Variants in MRPS15 observed in about 807,000 individuals in gnomAD.
The protein encoded by MRPS15 is small ribosomal subunit protein uS15m.
In MRPS15, 25 loss-of-function variants were observed where a neutral mutation model predicts 30.7. The observed-to-expected ratio is 0.81, with a 90% confidence interval of 0.59 to 1.14. The LOEUF is 1.14. Among genes scored for constraint, MRPS15 ranks in the 50% most tolerant of loss-of-function variants. MRPS15 has a pLI of 0.00. For missense variants in MRPS15, 313 were observed against 321.7 expected (o/e 0.97, Z 0.21); for synonymous variants, 124 against 120.1 (o/e 1.03, Z -0.21).
chr1:36,456,605 T>C, intron 6 of MRPS15: 1 of 481,508 alleles, frequency 2.1e-6, no homozygotes, highest in Non-Finnish European at 3.7e-6. Context: ...CTGTGAGTGC[T>C]GAGATAGGGT....
chr1:36,460,575 C>T (rs1163478967), intron 5 of MRPS15, 117 bp downstream of exon 5: 2 of 791,560 alleles, frequency 2.5e-6, no homozygotes. Context: ...GCCCTAGGTC[C>T]TTCATGTCTC....
chr1:36,456,495 A>C, intron 6 of MRPS15, 117 bp from the exon 7 acceptor site: 7 of 963,706 alleles, frequency 7.3e-6, no homozygotes, highest in Non-Finnish European at 1.0e-5. Context: ...TGCAAATATT[A>C]ATGCAATTCT....
chr1:36,459,446 G>A (rs967729404), intron 5 of MRPS15: 1 of 149,026 alleles, frequency 6.7e-6, no homozygotes, highest in Non-Finnish European at 1.5e-5. Context: ...GCTTAAAGAC[G>A]ACCCCAGTAA....
At chr1:36,462,474 T>C (rs545018719) in intron 2 of MRPS15, among the ~76,000 whole-genome samples, 1 of 152,202 alleles carries the variant, frequency 6.6e-6, no homozygotes, top group East Asian at 1.9e-4. Flanking sequence ...GGACAGAGTT[T>C]GACTCCCTTG....
intron 2 of MRPS15, 79 bp from the exon 3 acceptor site, chr1:36,462,242 C>A (rs1379629715): frequency 2.3e-5 from 24 of 1,048,276 alleles, no homozygotes; most frequent in Non-Finnish European, 3.2e-5. Context: ...CTCTTTTCAC[C>A]CACTCTCCAA....
intron 1 of MRPS15, 85 bp downstream of exon 1, chr1:36,464,061 C>G: frequency 6.4e-7 from 1 of 1,558,388 alleles, no homozygotes; most frequent in Non-Finnish European, 8.7e-7. Flanking sequence ...CGCTGTATAT[C>G]TCCCCTACTC....
intron 2 of MRPS15, 97 bp downstream of exon 2, chr1:36,463,706 CTCA>C (rs1447750707): frequency 7.1e-7 from 1 of 1,407,530 alleles, no homozygotes; most frequent in African/African-American, 1.5e-5. Flanking sequence ...TCTGGCTCAC[CTCA>C]TCTAGTGGCT....
At chr1:36,462,005 G>C (rs1195009328) in intron 3 of MRPS15, 83 bp downstream of exon 3, 2 of 1,212,776 alleles carry the variant, frequency 1.6e-6, no homozygotes. Flanking sequence ...AGCAAGCCAA[G>C]TCTCAAAGCC....
At chr1:36,460,669 C>A in intron 5 of MRPS15, 23 bp downstream of exon 5, 1 of 1,600,954 alleles carries the variant, frequency 6.2e-7, no homozygotes, top group Non-Finnish European at 8.6e-7. Flanking sequence ...TACACCCCCA[C>A]TCCCCAAGGG....
intron 2 of MRPS15, among the ~76,000 whole-genome samples, chr1:36,462,637 A>G (rs1165678393): frequency 6.6e-6 from 1 of 151,992 alleles, no homozygotes; most frequent in African/African-American, 2.4e-5. Context: ...TCACAGGAAA[A>G]CCTCAGTCTT....
rs1170868027 is a variant in MRPS15 at position 36,459,168 on chromosome 1, T to G, written c.386-1187A>C. 2.0e-5 allele frequency: 3 copies of G among 152,156 alleles called. 1 individual carries two copies. Among genetic ancestry groups the G allele is most frequent in the Non-Finnish European group, 4.4e-5 (3 of 68,092 alleles). The allele number at this position is 152,156 out of a possible 1,614,324, so 9.4% of individuals were successfully genotyped here. On this transcript the variant is annotated intron_variant, in intron 5 of 7. Transcript: ENST00000373116. ...CAGCACTTTGGGAGGCTGAGGCAGG[T>G]GAATTACTTGAGCTCAGGAGTTCGA...
At chr1:36,463,717 G>A in intron 2 of MRPS15, 89 bp downstream of exon 2, 1 of 1,466,364 alleles carries the variant, frequency 6.8e-7, no homozygotes, top group African/African-American at 1.4e-5. Context: ...TCATCTAGTG[G>A]CTCTAATTCG....
At chr1:36,460,860 C>T (rs3738840) in intron 4 of MRPS15, 84 bp from the exon 5 acceptor site, 122,258 of 1,140,836 alleles carry the variant, frequency 0.11, 7,302 homozygotes, top group East Asian at 0.26. Flanking sequence ...GCCCTGGCTA[C>T]AGTTATAGCA....
chr1:36,463,834 G>A lies in MRPS15; in HGVS notation c.147C>T (p.Ala49=), dbSNP rs557580947. ...GLQPRSLLLQ[A]ARGYVVRKPA... is the part of the protein sequence containing the mutation. ...GTTTCCGGACGACATATCCGCGCGC[G>A]GCCTGGAGGAGGAGACCTACGCAGA... The change falls in exon 2 of 8, where the codon GCC becomes GCT. Residue 49 remains alanine, a synonymous_variant. Transcript: ENST00000373116. 18 of 1,612,324 alleles carry A rather than the reference G, an allele frequency of 1.1e-5. No individual in the cohort carries two copies. Among genetic ancestry groups the A allele is most frequent in the East Asian group, 2.2e-5 (1 of 44,868 alleles).
intron 2 of MRPS15, among the ~76,000 whole-genome samples, chr1:36,462,983 G>C (rs1650127588): frequency 6.6e-6 from 1 of 151,242 alleles, no homozygotes; most frequent in Non-Finnish European, 1.5e-5. Flanking sequence ...TTGTTTTTTT[G>C]AGATGGAGTC....
At chr1:36,462,237 T>G in intron 2 of MRPS15, 74 bp from the exon 3 acceptor site, 1 of 1,115,882 alleles carries the variant, frequency 9.0e-7, no homozygotes, top group Non-Finnish European at 1.3e-6. Context: ...CCTGGCTCTT[T>G]TCACCCACTC....
rs1386268462 is a variant in MRPS15, at chr1:36,458,026, G to A, written c.386-45C>T. On this transcript the variant is annotated intron_variant, in intron 5 of 7. Transcript: ENST00000373116. This position sits in a 1 kb window ranked among gnomAD's most constrained non-coding sequence, Gnocchi z 4.5. ...AGGATGAGAGTTGGGCACAGAGGAA[G>A]GAAGGGCCCAGGCCTGGTTTACGTT... 1 of 1,554,440 alleles carries A rather than the reference G, an allele frequency of 6.4e-7. No homozygotes were observed. Among genetic ancestry groups the A allele is most frequent in the Admixed American group, 1.7e-5 (1 of 59,938 alleles).
intron 3 of MRPS15, 59 bp from the exon 4 acceptor site, chr1:36,461,371 TG>T: frequency 6.7e-7 from 1 of 1,495,708 alleles, no homozygotes; most frequent in Non-Finnish European, 9.3e-7. Flanking sequence ...AAAGCAATGC[TG>T]GTTTCATTTT....
intron 5 of MRPS15, chr1:36,459,047 T>C (rs1273104593): frequency 6.6e-6 from 1 of 152,242 alleles, no homozygotes; most frequent in Non-Finnish European, 1.5e-5. Context: ...GAGCAGGCAC[T>C]ATGCTAGAAG....
Sources: gnomAD v4.1 joint callset for allele counts (sites outside exome capture counted in the v4.1 genomes callset) on GRCh38, gnomAD v4.1.1 for gene constraint, Gnocchi (gnomAD v3.1) non-coding constraint, MANE v1.5 for transcripts, NCBI Gene and HGNC (gene_info 2026-07-23, HGNC 2026-07-21) for gene names.